ICA1L: variants seen among roughly 807,000 people sequenced by gnomAD.
ICA1L encodes islet cell autoantigen 1-like protein.
Under a neutral mutation model 61.3 loss-of-function variants are expected in ICA1L, and 50 were observed. That is an observed-to-expected ratio of 0.82 (90% confidence interval 0.65 to 1.03). ICA1L has a LOEUF of 1.03. Among genes scored for constraint, ICA1L ranks in the 50% least tolerant of loss-of-function variants. The pLI, the probability that ICA1L is intolerant of heterozygous loss-of-function variation, is 0.00. For missense variants in ICA1L, 508 were observed against 556.7 expected, an observed-to-expected ratio of 0.91 and a Z score of 0.88; for synonymous variants, 161 against 191.3, an observed-to-expected ratio of 0.84 and a Z score of 1.31.
At position 202,773,882 on chromosome 2, in the gene ICA1L, T is replaced by C; in HGVS notation, c.*5651A>G. ...CTACAGAGGCTGAGTGGAACAGTCC[T>C]GCTAAATAAACCAGTGGAATAAGAA... is the stretch of plus-strand genomic sequence containing the variant. On this transcript the variant is annotated 3_prime_UTR_variant, in exon 13 of 13. Coordinates refer to ENST00000358299, the MANE Select transcript of ICA1L (RefSeq NM_001288622.3). 4.7e-6 allele frequency: 6 copies of C among 1,288,712 alleles called. No individual in the cohort carries two copies. Among genetic ancestry groups the C allele is most frequent in the Non-Finnish European group, 6.8e-6 (6 of 888,642 alleles). 79.8% of individuals were successfully genotyped at this position (1,288,712 alleles called of 1,614,324 possible). A position where few individuals can be genotyped will look rare whatever the true frequency, so the allele number is the denominator to read the frequency against.
intron 1 of ICA1L, among the ~76,000 whole-genome samples, chr2:202,861,358 C>T (rs973919203): frequency 4.3e-5 from 5 of 117,106 alleles, no homozygotes; most frequent in Non-Finnish European, 8.1e-5. Flanking sequence ...TGAACCAAGA[C>T]TGTGCCACTG....
intron 12 of ICA1L, among the ~76,000 whole-genome samples, chr2:202,781,121 T>TA (rs1692388426): frequency 6.6e-6 from 1 of 152,172 alleles, no homozygotes; most frequent in African/African-American, 2.4e-5. Flanking sequence ...GTCTGTCCGT[T>TA]ACATCTTTTA....
chr2:202,810,923 A>G (rs1042123726), intron 9 of ICA1L, among the ~76,000 whole-genome samples: 1 of 152,206 alleles, frequency 6.6e-6, no homozygotes, highest in Admixed American at 6.5e-5. Context: ...AATTTTGGTC[A>G]GACCAGTTGT....
At chr2:202,842,347 G>C (rs958300753) in intron 1 of ICA1L, among the ~76,000 whole-genome samples, 1 of 152,158 alleles carries the variant, frequency 6.6e-6, no homozygotes, top group Non-Finnish European at 1.5e-5. Context: ...GACACATCTG[G>C]TGGTGATGAA....
At chr2:202,806,010 CGTATGATCTATTTATGT>C (rs1693214016) in intron 9 of ICA1L, among the ~76,000 whole-genome samples, 2 of 152,076 alleles carry the variant, frequency 1.3e-5, no homozygotes, top group African/African-American at 4.8e-5. Flanking sequence ...TTCTTTTATC[CGTATGATCTATTTATGT>C]GTGTACTTGA....
chr2:202,783,298 G>A (rs556888660), intron 12 of ICA1L, among the ~76,000 whole-genome samples: 255 of 152,250 alleles, frequency 1.7e-3, no homozygotes, highest in Non-Finnish European at 2.7e-3. Context: ...AGATACTTAC[G>A]AATTACAAAG....
intron 12 of ICA1L, among the ~76,000 whole-genome samples, chr2:202,782,688 T>G (rs1391610335): frequency 1.3e-5 from 2 of 152,158 alleles, no homozygotes; most frequent in African/African-American, 4.8e-5. Flanking sequence ...ATTAGAGGCA[T>G]GAGCCACCGC....
chr2:202,861,213 C>G (rs1694900592), intron 1 of ICA1L, among the ~76,000 whole-genome samples: 1 of 150,844 alleles, frequency 6.6e-6, no homozygotes, highest in African/African-American at 2.4e-5. Context: ...GGGGACAGGG[C>G]GAGACTCCAT....
chr2:202,861,492 A>T (rs1216810450), intron 1 of ICA1L, among the ~76,000 whole-genome samples: 1 of 151,940 alleles, frequency 6.6e-6, no homozygotes, highest in Admixed American at 6.6e-5. Context: ...AGAAAAAAAA[A>T]TAACCTGACA....
At position 202,863,772 on chromosome 2, in the gene ICA1L, A is replaced by C. The variant is rs1687364580; in HGVS notation, c.-8+7847T>G. ...AACCCGGGAGGCGGAGCTTGCAGTGAGCCGAGATAGCACCACTGCAGTCCA... is the reference window on the plus strand; with the variant it reads ...AACCCGGGAGGCGGAGCTTGCAGTGCGCCGAGATAGCACCACTGCAGTCCA... On this transcript the variant is annotated intron_variant, in intron 1 of 12. Transcript: ENST00000358299. Among the ~76,000 whole-genome samples the C allele has an allele frequency of 2.0e-5, 3 of 151,242 alleles. No individual in the cohort carries two copies. The South Asian group carries it at 6.3e-4, about 32-fold the overall frequency.
At chr2:202,815,452 G>A (rs1693506359) in intron 7 of ICA1L, among the ~76,000 whole-genome samples, 1 of 152,122 alleles carries the variant, frequency 6.6e-6, no homozygotes, top group South Asian at 2.1e-4. Flanking sequence ...CCATATCCAT[G>A]ACATCAGTGT....
chr2:202,774,189 C>A lies in ICA1L; in HGVS notation c.*5344G>T. On this transcript the variant is annotated 3_prime_UTR_variant, in exon 13 of 13. Coordinates refer to ENST00000358299, the MANE Select transcript of ICA1L (RefSeq NM_001288622.3). ...AGCGGCTTCTTGGAGAGCGGGCACA[C>A]CAGGAACTCCAGCAGCGCCGGATCG... 6.4e-7 allele frequency: 1 copy of A among 1,550,878 alleles called. No individual in the cohort carries two copies.
chr2:202,811,659 CAAAAAAAAAA>C, intron 9 of ICA1L, 77 bp downstream of exon 9: 2 of 480,680 alleles, frequency 4.2e-6, no homozygotes, highest in Non-Finnish European at 3.4e-6. Flanking sequence ...AAGACTGTCT[CAAAAAAAAAA>C]AAAAAAAAAA....
At position 202,811,753 on chromosome 2, in the gene ICA1L, A is replaced by C; in HGVS notation, c.903T>G (p.Ser301Arg). 1 of 1,603,888 alleles carries C rather than the reference A, an allele frequency of 6.2e-7. No individual in the cohort carries two copies. Among genetic ancestry groups the C allele is most frequent in the South Asian group, 1.1e-5 (1 of 90,460 alleles). Residue 301 changes from serine to arginine, a missense_variant, in exon 9 of 13, where the codon AGT (serine) becomes AGG (arginine). Ser to Arg is a moderately radical substitution (Grantham distance 110). Coordinates refer to ENST00000358299, the MANE Select transcript of ICA1L (RefSeq NM_001288622.3). ...VLSDEEASFE[S>R]EQANKDHNEK... ...ATAAATTTACCATCTTACCTTGTTC[A>C]CTCTCAAAGCTTGCTTCCTCATCAG...
chr2:202,821,782 A>G (rs1693708814), intron 3 of ICA1L: 1 of 174,742 alleles, frequency 5.7e-6, no homozygotes, highest in African/African-American at 2.4e-5. Context: ...CTATAAAATA[A>G]AGCCATAAAT....
chr2:202,802,314 A>G (rs946351295), intron 9 of ICA1L, among the ~76,000 whole-genome samples: 1 of 152,094 alleles, frequency 6.6e-6, no homozygotes, highest in African/African-American at 2.4e-5. Flanking sequence ...GTTAAAATAT[A>G]TGAGGAATTA....
chr2:202,835,617 G>A (rs1335851327), intron 1 of ICA1L, among the ~76,000 whole-genome samples: 3 of 151,342 alleles, frequency 2.0e-5, no homozygotes, highest in African/African-American at 7.3e-5. Context: ...CATGATCATG[G>A]CTCACTGTAA....
intron 11 of ICA1L, 107 bp downstream of exon 11, chr2:202,788,723 G>T: frequency 8.8e-7 from 1 of 1,130,474 alleles, no homozygotes; most frequent in Non-Finnish European, 1.3e-6. Context: ...TAGTAGTGCT[G>T]ACATTAAAAT....
intron 1 of ICA1L, among the ~76,000 whole-genome samples, chr2:202,833,134 T>C (rs1027605713): frequency 2.7e-5 from 4 of 150,438 alleles, no homozygotes; most frequent in African/African-American, 9.8e-5. Flanking sequence ...CAGAGAAAAA[T>C]GGCATATTAC....
Sources: allele counts gnomAD v4.1 joint callset (sites outside exome capture counted in the v4.1 genomes callset), GRCh38; gene constraint gnomAD v4.1.1; transcripts MANE v1.5; gene names NCBI Gene and HGNC (gene_info 2026-07-23, HGNC 2026-07-21).